Variants in LITAF observed in about 807,000 individuals in gnomAD.
LITAF encodes lipopolysaccharide-induced tumor necrosis factor-alpha factor.
Under a neutral mutation model 14.5 loss-of-function variants are expected in LITAF, and 9 were observed. The ratio of observed to expected loss-of-function variants is 0.62; its 90% CI spans 0.37 to 1.08. LITAF has a LOEUF of 1.08. LITAF is among the 50% of genes least tolerant of loss of function. The probability of loss-of-function intolerance (pLI) is 0.01; values close to 1 mark genes in which losing one functional copy is unlikely to be tolerated. For missense variants in LITAF, 206 were observed against 213.4 expected (o/e 0.97, Z 0.22); for synonymous variants, 98 against 88.2 (o/e 1.11, Z -0.62).
At chr16:11,560,034 C>T (rs1021200844) in intron 1 of LITAF, among the ~76,000 whole-genome samples, 3 of 151,956 alleles carry the variant, frequency 2.0e-5, no homozygotes, top group Admixed American at 6.6e-5. Context: ...CAGTGGCTCA[C>T]GACTATAATC....
At chr16:11,607,163 T>C (rs2141873028) in intron 3 of LITAF, among the ~76,000 whole-genome samples, 1 of 152,320 alleles carries the variant, frequency 6.6e-6, no homozygotes, top group African/African-American at 2.4e-5. Flanking sequence ...TGTTCCAAAG[T>C]TGGGAAAGTA....
rs2064143754 is a variant in LITAF, at chr16:11,548,983, A to G, written c.*654T>C. 2.2e-6 allele frequency: 1 copy of G among 453,820 alleles called. No homozygotes were observed. The highest frequency in any genetic ancestry group is 6.9e-5 in the East Asian group (1 of 14,400). 28.1% of individuals were successfully genotyped at this position (453,820 alleles called of 1,614,324 possible). A position where few individuals can be genotyped will look rare whatever the true frequency, so the allele number is the denominator to read the frequency against. Reference sequence around the variant, plus strand: ...CAGGGCAGTGATAAGATCCAGCCCTATTTTTCTAGCATGCATTTACGACCT... The same window carrying G: ...CAGGGCAGTGATAAGATCCAGCCCTGTTTTTCTAGCATGCATTTACGACCT... On this transcript the variant is annotated 3_prime_UTR_variant, in exon 4 of 4. Transcript: ENST00000622633.
chr16:11,625,695 G>C (rs981363192), intron 3 of LITAF, among the ~76,000 whole-genome samples: 2 of 152,282 alleles, frequency 1.3e-5, no homozygotes, highest in Admixed American at 1.3e-4. Flanking sequence ...ACAGAAATCA[G>C]AGCAGAAAGA....
At chr16:11,603,441 G>T (rs955516961), upstream of LITAF, among the ~76,000 whole-genome samples, 1 of 152,136 alleles carries the variant, frequency 6.6e-6, no homozygotes, top group Non-Finnish European at 1.5e-5. Context: ...TGTCTTCCAC[G>T]CGCCCTTCTC....
At chr16:11,626,498 C>T (rs2065084784) in intron 3 of LITAF, among the ~76,000 whole-genome samples, 1 of 152,234 alleles carries the variant, frequency 6.6e-6, no homozygotes, top group Non-Finnish European at 1.5e-5. Context: ...CAGGCATCAC[C>T]ATGCCTGGTT....
At chr16:11,636,340 CTCT>C (rs1322443352) in exon 1 of LITAF, 1 of 152,236 alleles carries the variant, frequency 6.6e-6, no homozygotes. Flanking sequence ...GAGAAGCGCT[CTCT>C]GCGAAGAAAG....
intron 3 of LITAF, among the ~76,000 whole-genome samples, chr16:11,609,704 C>T (rs561692612): frequency 4.8e-4 from 73 of 152,304 alleles, no homozygotes; most frequent in Non-Finnish European, 7.9e-4. Context: ...CCATCTGCTA[C>T]GGTTGAGAGA....
At chr16:11,559,262 A>G (rs2064320607) in intron 1 of LITAF, among the ~76,000 whole-genome samples, 1 of 152,090 alleles carries the variant, frequency 6.6e-6, no homozygotes, top group South Asian at 2.1e-4. Flanking sequence ...TGTCTAAAAG[A>G]AAAAAAGAAA....
At chr16:11,570,696 A>G (rs928113447) in intron 1 of LITAF, among the ~76,000 whole-genome samples, 10 of 152,110 alleles carry the variant, frequency 6.6e-5, no homozygotes, top group Non-Finnish European at 1.3e-4. Context: ...TATAAGAGAA[A>G]GGTAGAGGAG....
At chr16:11,609,843 G>A (rs1441872354) in intron 3 of LITAF, among the ~76,000 whole-genome samples, 4 of 152,152 alleles carry the variant, frequency 2.6e-5, no homozygotes, top group Non-Finnish European at 4.4e-5. Flanking sequence ...AAATCCAAAC[G>A]GAAAAGACCA....
At chr16:11,588,242 C>A (rs1164174083), upstream of LITAF, among the ~76,000 whole-genome samples, 2 of 152,170 alleles carry the variant, frequency 1.3e-5, no homozygotes, top group Non-Finnish European at 1.5e-5. Context: ...TGCCTATAGT[C>A]TCAGGACTTT....
chr16:11,613,394 A>G (rs1326391536), intron 3 of LITAF, among the ~76,000 whole-genome samples: 1 of 152,236 alleles, frequency 6.6e-6, no homozygotes, highest in Non-Finnish European at 1.5e-5. Context: ...CAATGCAGCC[A>G]GCTGCCAGGT....
At chr16:11,584,225 T>C (rs967416382) in intron 1 of LITAF, 2 of 152,212 alleles carry the variant, frequency 1.3e-5, no homozygotes, top group African/African-American at 4.8e-5. Context: ...CTATTTTCAC[T>C]GCTGTAAAAG....
At chr16:11,551,769 C>G (rs1269057132) in intron 3 of LITAF, 2 of 685,414 alleles carry the variant, frequency 2.9e-6, no homozygotes, top group Non-Finnish European at 2.7e-6. Flanking sequence ...GAGATCAAAG[C>G]TGCGGAGAGC....
chr16:11,617,074 G>T (rs1668458315), intron 3 of LITAF, among the ~76,000 whole-genome samples: 1 of 151,298 alleles, frequency 6.6e-6, no homozygotes, highest in Non-Finnish European at 1.5e-5. Flanking sequence ...ACAAAAATTT[G>T]CCAGGCGTGG....
chr16:11,553,690 C>A lies in LITAF; in HGVS notation c.221-1G>T. The A allele has an allele frequency of 1.2e-6, 2 of 1,614,112 alleles. No individual in the cohort carries two copies. The highest frequency in any genetic ancestry group is 8.5e-7 in the Non-Finnish European group (1 of 1,179,998). On this transcript the variant is annotated splice_acceptor_variant, in intron 2 of 3. Transcript: ENST00000622633. LOFTEE classifies it high-confidence loss of function. The surrounding 1 kb of genome is among the most constrained non-coding windows in gnomAD (Gnocchi z 7.7). ...TGCACGTAGACCGTCTGCACGGTAA[C>A]TGATGAAAGGGAGAGGGACAAACAC... is the stretch of plus-strand genomic sequence containing the variant.
At chr16:11,567,765 A>C (rs559713952) in intron 1 of LITAF, among the ~76,000 whole-genome samples, 1 of 152,198 alleles carries the variant, frequency 6.6e-6, no homozygotes, top group South Asian at 2.1e-4. Flanking sequence ...TGGGCGGATC[A>C]CTGGAGGTCA....
chr16:11,624,637 T>A (rs1335839871), intron 3 of LITAF, among the ~76,000 whole-genome samples: 1 of 152,240 alleles, frequency 6.6e-6, no homozygotes, highest in African/African-American at 2.4e-5. Context: ...TCTCCATTTA[T>A]ATTCACTATC....
chr16:11,573,655 G>A (rs1013340094), intron 1 of LITAF, among the ~76,000 whole-genome samples: 6 of 147,568 alleles, frequency 4.1e-5, no homozygotes, highest in Non-Finnish European at 9.0e-5. Context: ...GCAGGAGAGT[G>A]TTTGTAGTGT....
Sources: allele counts gnomAD v4.1 joint callset (sites outside exome capture counted in the v4.1 genomes callset), GRCh38; gene constraint gnomAD v4.1.1; non-coding constraint Gnocchi (gnomAD v3.1); transcripts MANE v1.5; gene names NCBI Gene and HGNC (gene_info 2026-07-23, HGNC 2026-07-21).